The following QSOX1 variants were observed in gnomAD, a reference collection of about 807,000 sequenced individuals.
QSOX1 encodes quiescin sulfhydryl oxidase 1.
Under a neutral mutation model 76.1 loss-of-function variants are expected in QSOX1, and 40 were observed. The observed-to-expected ratio is 0.53, with a 90% CI of 0.41 to 0.68. QSOX1 has a LOEUF of 0.68. QSOX1 is among the 30% of genes least tolerant of loss of function. QSOX1 has a pLI of 0.00. For synonymous variants in QSOX1, 392 were observed against 413.1 expected (o/e 0.95, Z 0.62); for missense variants, 931 against 974.3 (o/e 0.96, Z 0.59).
chr1:180,155,283 C>A (rs760377502), intron 1 of QSOX1, 111 bp downstream of exon 1: 1 of 995,186 alleles, frequency 1.0e-6, no homozygotes, highest in Non-Finnish European at 1.4e-6. Context: ...GTCACCTCCG[C>A]CCACCTCTTC....
At chr1:180,182,403 C>T in intron 6 of QSOX1, 84 bp downstream of exon 6, 1 of 1,537,710 alleles carries the variant, frequency 6.5e-7, no homozygotes, top group Non-Finnish European at 8.9e-7. Context: ...GCCCGCCTTT[C>T]ACAGTGGCCA....
chr1:180,185,824 G>T (rs529759190), intron 7 of QSOX1, among the ~76,000 whole-genome samples: 1 of 152,324 alleles, frequency 6.6e-6, no homozygotes, highest in African/African-American at 2.4e-5. Context: ...TTACCTGTGA[G>T]CAATGTGTTA....
At chr1:180,185,956 C>T in intron 7 of QSOX1, 97 bp from the exon 8 acceptor site, 1 of 1,415,076 alleles carries the variant, frequency 7.1e-7, no homozygotes, top group Non-Finnish European at 1.0e-6. Flanking sequence ...ATCAGCAGTG[C>T]CCCTTCTCTT....
At chr1:180,173,568 C>T (rs945662224) in intron 2 of QSOX1, among the ~76,000 whole-genome samples, 1 of 152,008 alleles carries the variant, frequency 6.6e-6, no homozygotes, top group African/African-American at 2.4e-5. Flanking sequence ...AGTAAGGGCC[C>T]GGGGGAGGTC....
chr1:180,174,302 C>T lies in QSOX1; in HGVS notation c.367-1019C>T, dbSNP rs575184935. ...AGATTGCCAGGAGTCAGGCTCTGTT[C>T]GGTCTGTCCTCTTGCCCCAAGGAGG... On this transcript the variant is annotated intron_variant, in intron 2 of 11. Coordinates refer to ENST00000367602, the MANE Select transcript of QSOX1 (RefSeq NM_002826.5). 7.2e-5 allele frequency among the ~76,000 whole-genome samples: 11 copies of T among 152,240 alleles called. 1 individual carries two copies. The highest frequency in any genetic ancestry group is 1.9e-4 in the East Asian group (1 of 5,192).
chr1:180,196,264 G>T lies in QSOX1; in HGVS notation c.1471G>T (p.Ala491Ser), dbSNP rs770523926. 6.2e-7 allele frequency: 1 copy of T among 1,608,626 alleles called. No individual in the cohort carries two copies. Among genetic ancestry groups the T allele is most frequent in the African/African-American group, 1.3e-5 (1 of 74,826 alleles). ...CCTGTGTATGCTTCCCTCTGTAGGTGCCCCCAGCGAGGACCCCCAGTTCCC... is the reference window on the plus strand; with the variant it reads ...CCTGTGTATGCTTCCCTCTGTAGGTTCCCCCAGCGAGGACCCCCAGTTCCC... ...HNRVNARLAG[A>S]PSEDPQFPKV... is the part of the protein sequence containing the mutation. Residue 491 changes from alanine (A) to serine (S), a missense_variant and splice_region_variant, in exon 12 of 12, where the codon GCC (alanine) becomes TCC (serine). Transcript: ENST00000367602. This position sits in a 1 kb window ranked among gnomAD's most constrained non-coding sequence, Gnocchi z 4.1.
At chr1:180,194,494 G>T in intron 11 of QSOX1, 102 bp downstream of exon 11, 1 of 1,165,530 alleles carries the variant, frequency 8.6e-7, no homozygotes, top group Non-Finnish European at 1.2e-6. Context: ...GACACTCATT[G>T]TCCCCTCAGT....
At position 180,186,121 on chromosome 1, in the gene QSOX1, T is replaced by G; in HGVS notation, c.956T>G (p.Phe319Cys). 2 of 1,614,220 alleles carry G rather than the reference T, an allele frequency of 1.2e-6. No individual in the cohort carries two copies. Among genetic ancestry groups the G allele is most frequent in the Non-Finnish European group, 1.7e-6 (2 of 1,180,046 alleles). ...HYILRIEVGR[F>C]PVLEGQRLVA... ...ATCCTGCGGATAGAAGTGGGCAGGTTCCCGGTCCTGGAAGGGCAGCGCCTG... is the reference window on the plus strand; with the variant it reads ...ATCCTGCGGATAGAAGTGGGCAGGTGCCCGGTCCTGGAAGGGCAGCGCCTG... The change falls in exon 8 of 12, where the codon TTC becomes TGC. Residue 319 changes from phenylalanine (F) to cysteine (C), a missense_variant. By Grantham distance (205) the Phe-to-Cys change is radical. Transcript: ENST00000367602.
At position 180,194,375 on chromosome 1, in the gene QSOX1, T is replaced by A. The variant is rs1663405869; in HGVS notation, c.1451T>A (p.Val484Asp). ...TGGCTCTGGTCTAGCCACAACAGGG[T>A]CAATGCTCGCCTTGCAGGTAAGGAA... ...VLWLWSSHNR[V>D]NARLAGAPSE... Residue 484 changes from valine to aspartate, a missense_variant, in exon 11 of 12, where the codon GTC becomes GAC. Transcript: ENST00000367602. 6.4e-7 allele frequency: 1 copy of A among 1,560,454 alleles called. No individual in the cohort carries two copies. Among genetic ancestry groups the A allele is most frequent in the Middle Eastern group, 1.7e-4 (1 of 5,876 alleles).
intron 1 of QSOX1, among the ~76,000 whole-genome samples, chr1:180,156,359 C>T (rs887664869): frequency 6.6e-6 from 1 of 152,132 alleles, no homozygotes; most frequent in African/African-American, 2.4e-5. Context: ...GGCCTCCTAC[C>T]CTGAAATGGT....
At position 180,154,886 on chromosome 1, in the gene QSOX1, G is replaced by A; in HGVS notation, c.-22G>A. On this transcript the variant is annotated 5_prime_UTR_variant, in exon 1 of 12. Transcript: ENST00000367602. Reference sequence around the variant, plus strand: ...CCCGACTCATCCGGTGCTTGCGTGTGGTGGTGAGCGCAGCGCCGAGGATGA... The same window carrying A: ...CCCGACTCATCCGGTGCTTGCGTGTAGTGGTGAGCGCAGCGCCGAGGATGA... The A allele has an allele frequency of 1.4e-6, 2 of 1,393,720 alleles. No homozygotes were observed. Among genetic ancestry groups the A allele is most frequent in the East Asian group, 3.0e-5 (1 of 32,920 alleles). The allele number at this position is 1,393,720 out of a possible 1,614,324, so 86.3% of individuals were successfully genotyped here. A position where few individuals can be genotyped will look rare whatever the true frequency, so the allele number is the denominator to read the frequency against.
At chr1:180,159,035 C>T (rs557446694) in intron 1 of QSOX1, among the ~76,000 whole-genome samples, 38 of 152,312 alleles carry the variant, frequency 2.5e-4, no homozygotes, top group Middle Eastern at 3.4e-3. Flanking sequence ...GGGCAGGGGA[C>T]GCTGCCCTTG....
chr1:180,194,918 G>A (rs1190253501), intron 11 of QSOX1, among the ~76,000 whole-genome samples: 1 of 151,936 alleles, frequency 6.6e-6, no homozygotes, highest in Non-Finnish European at 1.5e-5. Context: ...AGGGAGCTGG[G>A]TCGGGAGGGA....
chr1:180,197,631 G>GCAC lies in QSOX1; in HGVS notation c.*595_*596insACC. On this transcript the variant is annotated 3_prime_UTR_variant, in exon 12 of 12. Transcript: ENST00000367602. ...GGGTTTGGAAGCTTCTGGAAGTCGT[G>GCAC]CTGGTCTCCCAGGTGAGGCAAGCCA... The GCAC allele has an allele frequency of 2.0e-6, 1 of 491,402 alleles. No homozygotes were observed. The highest frequency in any genetic ancestry group is 3.7e-6 in the Non-Finnish European group (1 of 271,392). The allele number at this position is 491,402 out of a possible 1,614,324, so 30.4% of individuals were successfully genotyped here.
intron 2 of QSOX1, among the ~76,000 whole-genome samples, chr1:180,172,865 T>G (rs973427131): frequency 1.3e-5 from 2 of 152,062 alleles, no homozygotes; most frequent in African/African-American, 4.8e-5. Context: ...TCTTTTAATA[T>G]GGGCACCTGC....
chr1:180,194,468 C>G, intron 11 of QSOX1, 76 bp downstream of exon 11: 1 of 1,426,574 alleles, frequency 7.0e-7, no homozygotes, highest in Non-Finnish European at 9.4e-7. Context: ...AGTCTTAGGC[C>G]AAAATTTGGG....
Position 180,200,689 on chromosome 1 carries a change from C to T in QSOX1, c.*3652C>T, listed in dbSNP as rs1480279250. On this transcript the variant is annotated 3_prime_UTR_variant, in exon 12 of 12. Transcript: ENST00000367602. ...TAAGAAACATCCTATCCCCTTTACT[C>T]CCACCAAAATAAATACATTTGCCCT... The T allele has an allele frequency of 1.3e-5, 2 of 152,210 alleles. No individual in the cohort carries two copies. Among genetic ancestry groups the T allele is most frequent in the Non-Finnish European group, 2.9e-5 (2 of 68,036 alleles). The allele number at this position is 152,210 out of a possible 1,614,324, so 9.4% of individuals were successfully genotyped here.
At chr1:180,193,210 A>G (rs905737982) in intron 10 of QSOX1, among the ~76,000 whole-genome samples, 3 of 152,026 alleles carry the variant, frequency 2.0e-5, no homozygotes. Flanking sequence ...TAAATGGATG[A>G]CGCAGTAAAG....
At chr1:180,186,299 C>A in intron 8 of QSOX1, 117 bp downstream of exon 8, 1 of 1,337,972 alleles carries the variant, frequency 7.5e-7, no homozygotes, top group Non-Finnish European at 1.0e-6. Flanking sequence ...TCTGGCTGGA[C>A]ACCTGGACCC....
Sources: gnomAD v4.1 joint callset for allele counts (sites outside exome capture counted in the v4.1 genomes callset) on GRCh38, gnomAD v4.1.1 for gene constraint, Gnocchi (gnomAD v3.1) non-coding constraint, MANE v1.5 for transcripts, NCBI Gene and HGNC (gene_info 2026-07-23, HGNC 2026-07-21) for gene names.